The following IGF2BP2 variants were observed in gnomAD, a reference collection of about 807,000 sequenced individuals.
IGF2BP2 encodes insulin like growth factor 2 mRNA binding protein 2.
In IGF2BP2, 17 loss-of-function variants were observed where a neutral mutation model predicts 75.8. The ratio of observed to expected loss-of-function variants is 0.22; its 90% CI spans 0.15 to 0.34. IGF2BP2 has a LOEUF of 0.34. Ranked by LOEUF, IGF2BP2 falls within the 10% of genes least tolerant of loss-of-function variation. IGF2BP2 has a pLI of 1.00. For missense variants in IGF2BP2, 516 were observed against 772.4 expected (o/e 0.67, Z 3.93); for synonymous variants, 288 against 295.6 (o/e 0.97, Z 0.26).
intron 2 of IGF2BP2, among the ~76,000 whole-genome samples, chr3:185,753,681 T>C (rs1232095689): frequency 6.6e-6 from 1 of 152,144 alleles, no homozygotes; most frequent in Admixed American, 6.5e-5. Flanking sequence ...TTACATTTAA[T>C]AAAACAATAG....
intron 10 of IGF2BP2, among the ~76,000 whole-genome samples, chr3:185,670,840 G>C (rs1480605629): frequency 6.6e-6 from 1 of 152,174 alleles, no homozygotes. Flanking sequence ...AAAGTGCTGG[G>C]ATTACAGGCG....
intron 2 of IGF2BP2, among the ~76,000 whole-genome samples, chr3:185,752,396 C>A (rs1005705179): frequency 2.0e-5 from 3 of 152,280 alleles, no homozygotes; most frequent in African/African-American, 2.4e-5. Context: ...AAAAGCATTT[C>A]TCTTCATTTC....
chr3:185,684,014 C>A (rs965688794), intron 7 of IGF2BP2, among the ~76,000 whole-genome samples: 7 of 152,124 alleles, frequency 4.6e-5, no homozygotes, highest in African/African-American at 1.7e-4. Context: ...CTTGTATTTT[C>A]TGTTGCTTGA....
intron 2 of IGF2BP2, among the ~76,000 whole-genome samples, chr3:185,805,676 A>G (rs948990396): frequency 4.6e-5 from 7 of 152,208 alleles, no homozygotes; most frequent in Admixed American, 4.6e-4. Context: ...ATAGAGTTAT[A>G]GATCACATTT....
intron 2 of IGF2BP2, among the ~76,000 whole-genome samples, chr3:185,818,092 C>T (rs1740843073): frequency 6.6e-6 from 1 of 152,100 alleles, no homozygotes; most frequent in African/African-American, 2.4e-5. Flanking sequence ...GAAACTATTT[C>T]AATATAACGC....
At chr3:185,702,206 A>G (rs1447278980) in intron 2 of IGF2BP2, among the ~76,000 whole-genome samples, 1 of 152,158 alleles carries the variant, frequency 6.6e-6, no homozygotes, top group African/African-American at 2.4e-5. Flanking sequence ...TCTCATACAC[A>G]GGGGCTGAGA....
At chr3:185,671,073 A>G (rs992521728) in intron 10 of IGF2BP2, among the ~76,000 whole-genome samples, 1 of 152,182 alleles carries the variant, frequency 6.6e-6, no homozygotes, top group East Asian at 1.9e-4. Context: ...GACAGCAAAA[A>G]TACAGAGATG....
intron 13 of IGF2BP2, among the ~76,000 whole-genome samples, chr3:185,650,165 C>T (rs1448069477): frequency 6.6e-6 from 1 of 151,534 alleles, no homozygotes; most frequent in Non-Finnish European, 1.5e-5. Flanking sequence ...AGTGATCCTC[C>T]CACCTTGGCC....
In IGF2BP2 at chr3:185,782,569, A is replaced by G. The variant is rs79239029; in HGVS notation, c.239+40584T>C. ...CATCCACTAATTTTGAGACCCTTTG[A>G]AAAGGGCTTTCCACTATACCATGGC... is the stretch of plus-strand genomic sequence containing the variant. On this transcript the variant is annotated intron_variant, in intron 2 of 15. Transcript: ENST00000382199. Among the ~76,000 whole-genome samples, 1,930 of 152,208 alleles carry G rather than the reference A, an allele frequency of 0.013. 105 individuals are homozygous for G. The South Asian group carries it at 0.14, about 11-fold the overall frequency.
intron 2 of IGF2BP2, among the ~76,000 whole-genome samples, chr3:185,751,943 A>G (rs1171684472): frequency 6.6e-6 from 1 of 152,188 alleles, no homozygotes; most frequent in Non-Finnish European, 1.5e-5. Flanking sequence ...AGCCTGGGCA[A>G]CGAGGGAGAC....
At chr3:185,740,932 C>T (rs1272136297) in intron 2 of IGF2BP2, among the ~76,000 whole-genome samples, 2 of 152,216 alleles carry the variant, frequency 1.3e-5, no homozygotes, top group Admixed American at 6.5e-5. Context: ...GGCTGGAGTG[C>T]GGTGGCGCGA....
rs191937379 is a variant in IGF2BP2, at chr3:185,753,058, T to C, written c.240-54711A>G. On this transcript the variant is annotated intron_variant, in intron 2 of 15. Coordinates refer to ENST00000382199, the MANE Select transcript of IGF2BP2 (RefSeq NM_006548.6). ...ATACATTTTAATTAGTTAATATTGTTAAAGAATCAAAGACCTTGTGTGAGA... is the reference window on the plus strand; with the variant it reads ...ATACATTTTAATTAGTTAATATTGTCAAAGAATCAAAGACCTTGTGTGAGA... Among the ~76,000 whole-genome samples the C allele has an allele frequency of 2.0e-3, 306 of 152,336 alleles. 3 individuals are homozygous for C. Among genetic ancestry groups the C allele is most frequent in the African/African-American group, 7.1e-3 (294 of 41,582 alleles).
chr3:185,781,927 T>C (rs531431825), intron 2 of IGF2BP2, among the ~76,000 whole-genome samples: 5 of 152,262 alleles, frequency 3.3e-5, no homozygotes, highest in East Asian at 1.9e-4. Flanking sequence ...TGGGAGTTCA[T>C]AGTATGACTA....
At chr3:185,805,550 C>T (rs1356815041) in intron 2 of IGF2BP2, among the ~76,000 whole-genome samples, 1 of 152,146 alleles carries the variant, frequency 6.6e-6, no homozygotes. Context: ...TGCTCCCTTT[C>T]CCCAAGGCCG....
At chr3:185,801,445 C>T (rs1035444955) in intron 2 of IGF2BP2, among the ~76,000 whole-genome samples, 5 of 143,700 alleles carry the variant, frequency 3.5e-5, no homozygotes, top group South Asian at 2.2e-4. Context: ...GCCGAGATGG[C>T]GTCATTGCAC....
chr3:185,650,626 G>A (rs963875059), intron 13 of IGF2BP2, among the ~76,000 whole-genome samples: 6 of 151,498 alleles, frequency 4.0e-5, no homozygotes, highest in African/African-American at 9.7e-5. Flanking sequence ...GCAGTGAGCC[G>A]AGATCGCACC....
At chr3:185,646,803 A>G in intron 15 of IGF2BP2, 2 of 568,018 alleles carry the variant, frequency 3.5e-6, no homozygotes, top group Non-Finnish European at 3.2e-6. Context: ...CTCTTCCCCA[A>G]GCTCCTAGCA....
chr3:185,762,216 T>C (rs1044958260), intron 2 of IGF2BP2, among the ~76,000 whole-genome samples: 3 of 150,104 alleles, frequency 2.0e-5, no homozygotes, highest in African/African-American at 7.4e-5. Flanking sequence ...GGTGAAACCC[T>C]GTCTCTACTA....
Position 185,645,025 on chromosome 3 carries a change from GAGTT to G in IGF2BP2, c.*502_*505del, listed in dbSNP as rs1713275275. ...AAAATTAATAATTGATTAAAAATTGGAGTTAGTTGAGTTATTTGATATATTATTT... is the reference window on the plus strand; with the variant it reads ...AAAATTAATAATTGATTAAAAATTGGAGTTGAGTTATTTGATATATTATTT... On this transcript the variant is annotated 3_prime_UTR_variant, in exon 16 of 16. Transcript: ENST00000382199. The surrounding 1 kb of genome is among the most constrained non-coding windows in gnomAD (Gnocchi z 4.9). The G allele has an allele frequency of 6.6e-6, 1 of 152,348 alleles. No homozygotes were observed. Among genetic ancestry groups the G allele is most frequent in the Non-Finnish European group, 1.5e-5 (1 of 68,180 alleles). 9.4% of individuals were successfully genotyped at this position (152,348 alleles called of 1,614,324 possible).
Sources: gnomAD v4.1 joint callset for allele counts (sites outside exome capture counted in the v4.1 genomes callset) on GRCh38, gnomAD v4.1.1 for gene constraint, Gnocchi (gnomAD v3.1) non-coding constraint, MANE v1.5 for transcripts, NCBI Gene and HGNC (gene_info 2026-07-23, HGNC 2026-07-21) for gene names.